The following TBC1D32 variants were observed in gnomAD, a reference collection of about 807,000 sequenced individuals.
TBC1D32 encodes TBC1 domain family member 32, also known as protein broad-minded.
In TBC1D32, 151 loss-of-function variants were observed where a neutral mutation model predicts 170.3. That is an observed-to-expected ratio of 0.89 (90% CI 0.78 to 1.01). The LOEUF (loss-of-function observed/expected upper bound fraction) is 1.01. Among genes scored for constraint, TBC1D32 ranks in the 50% least tolerant of loss-of-function variants. TBC1D32 has a pLI of 0.00. For synonymous variants in TBC1D32, 498 were observed against 488.0 expected (o/e 1.02, Z -0.27); for missense variants, 1,464 against 1,457.1 (o/e 1.00, Z -0.08).
chr6:121,188,850 A>T (rs2128283130), intron 22 of TBC1D32, among the ~76,000 whole-genome samples: 1 of 152,334 alleles, frequency 6.6e-6, no homozygotes, highest in Middle Eastern at 3.4e-3. Context: ...CTGCTCTGCC[A>T]AAAAGATAAA....
At chr6:121,217,605 G>A (rs1218123249) in intron 21 of TBC1D32, among the ~76,000 whole-genome samples, 2 of 152,158 alleles carry the variant, frequency 1.3e-5, no homozygotes, top group Non-Finnish European at 2.9e-5. Flanking sequence ...AGAACTCATG[G>A]ACACAAAGAG....
intron 22 of TBC1D32, among the ~76,000 whole-genome samples, chr6:121,173,125 T>C (rs1787296753): frequency 6.6e-6 from 1 of 152,110 alleles, no homozygotes; most frequent in South Asian, 2.1e-4. Context: ...TCAGTCTGGG[T>C]GGGCACAATC....
chr6:121,194,319 G>T (rs1295084542), intron 22 of TBC1D32, among the ~76,000 whole-genome samples: 2 of 152,176 alleles, frequency 1.3e-5, no homozygotes, highest in Admixed American at 1.3e-4. Context: ...ACTATGGTGG[G>T]AAAGGCCAAA....
At chr6:121,274,590 T>A (rs1328362501) in intron 15 of TBC1D32, among the ~76,000 whole-genome samples, 1 of 151,690 alleles carries the variant, frequency 6.6e-6, no homozygotes, top group Non-Finnish European at 1.5e-5. Context: ...TCAATACATG[T>A]ACAATTATTA....
chr6:121,234,391 G>A lies in TBC1D32; in HGVS notation c.2364+4679C>T, dbSNP rs140787907. Among the ~76,000 whole-genome samples the A allele has an allele frequency of 9.9e-5, 15 of 152,142 alleles. No homozygotes were observed. The East Asian group carries it at 2.9e-3, about 29-fold the overall frequency. ...CATTTAGCATAGTCCCAAGCCTCTTGGAGGCTTTGTTCATTTTTAAAAATT... is the reference window on the plus strand; with the variant it reads ...CATTTAGCATAGTCCCAAGCCTCTTAGAGGCTTTGTTCATTTTTAAAAATT... On this transcript the variant is annotated intron_variant, in intron 20 of 31. Transcript: ENST00000398212.
chr6:121,249,774 C>T (rs1798062743), intron 17 of TBC1D32, among the ~76,000 whole-genome samples: 1 of 151,454 alleles, frequency 6.6e-6, no homozygotes, highest in South Asian at 2.1e-4. Flanking sequence ...TATACTTAAC[C>T]AAGGAAGTAA....
chr6:121,186,573 A>C (rs1434787352), intron 22 of TBC1D32, among the ~76,000 whole-genome samples: 1 of 152,036 alleles, frequency 6.6e-6, no homozygotes, highest in Non-Finnish European at 1.5e-5. Flanking sequence ...AGAGACAAAG[A>C]CTGTACTAAC....
chr6:121,256,698 G>A (rs1799067868), intron 15 of TBC1D32, among the ~76,000 whole-genome samples: 2 of 148,014 alleles, frequency 1.4e-5, no homozygotes, highest in African/African-American at 2.5e-5. Flanking sequence ...TTTTTTTTGA[G>A]ATGGAGTGTC....
chr6:121,093,422 T>C (rs1369995501), intron 30 of TBC1D32, among the ~76,000 whole-genome samples: 2 of 152,182 alleles, frequency 1.3e-5, no homozygotes, highest in African/African-American at 4.8e-5. Flanking sequence ...CTACAGCTAT[T>C]AATGCCAATC....
intron 17 of TBC1D32, among the ~76,000 whole-genome samples, chr6:121,246,002 C>T (rs1487633844): frequency 6.6e-6 from 1 of 152,156 alleles, no homozygotes; most frequent in Non-Finnish European, 1.5e-5. Context: ...GGACCTCTGA[C>T]CACTATTGGG....
rs1303627004 is a variant in TBC1D32 at position 121,321,493 on chromosome 6, T to C, written c.317+140A>G. 6 of 751,150 alleles carry C rather than the reference T, an allele frequency of 8.0e-6. No homozygotes were observed. The East Asian group carries it at 1.6e-4, about 20-fold the overall frequency. 46.5% of individuals were successfully genotyped at this position (751,150 alleles called of 1,614,324 possible). On this transcript the variant is annotated intron_variant, in intron 2 of 31. Transcript: ENST00000398212. The stretch of plus-strand genomic sequence containing the variant: ...CCTTTGGAGAGTCTGGGTGAAAGGG[T>C]GTCATGATCTGACTCATTGTTTTAA...
chr6:121,097,994 A>G (rs1169938984), intron 30 of TBC1D32, among the ~76,000 whole-genome samples: 1 of 151,806 alleles, frequency 6.6e-6, no homozygotes, highest in Non-Finnish European at 1.5e-5. Context: ...GAGGTGAACA[A>G]TGAGAACACA....
At chr6:121,313,031 T>C (rs1808434731) in intron 3 of TBC1D32, among the ~76,000 whole-genome samples, 2 of 151,758 alleles carry the variant, frequency 1.3e-5, no homozygotes, top group South Asian at 2.1e-4. Flanking sequence ...ACTTTTCCCG[T>C]AACAAAGCAG....
chr6:121,235,365 A>G (rs1489339988), intron 20 of TBC1D32, among the ~76,000 whole-genome samples: 1 of 152,066 alleles, frequency 6.6e-6, no homozygotes, highest in Non-Finnish European at 1.5e-5. Flanking sequence ...AAAGACCACC[A>G]GGAGGGGGCA....
intron 29 of TBC1D32, chr6:121,112,243 T>C (rs1779268365): frequency 8.9e-6 from 2 of 225,256 alleles, no homozygotes; most frequent in Non-Finnish European, 1.7e-5. Context: ...GATATAACTA[T>C]CATTTTAATT....
chr6:121,230,973 TG>T (rs1795667145), intron 20 of TBC1D32, among the ~76,000 whole-genome samples: 1 of 152,114 alleles, frequency 6.6e-6, no homozygotes, highest in Admixed American at 6.6e-5. Context: ...CAAAGACTGA[TG>T]TATCATTCTT....
chr6:121,297,379 C>T (rs4607467), intron 10 of TBC1D32, among the ~76,000 whole-genome samples: 1 of 152,092 alleles, frequency 6.6e-6, no homozygotes, highest in African/African-American at 2.4e-5. Context: ...CAATAAGACA[C>T]GAAAAACCAA....
Position 121,333,098 on chromosome 6 carries a change from A to ATAGG in TBC1D32, c.155+1177_155+1178insCCTA, listed in dbSNP as rs555408950. 8.8e-3 allele frequency among the ~76,000 whole-genome samples: 1,346 copies of ATAGG among 152,284 alleles called. 24 individuals carry two copies. The highest frequency in any genetic ancestry group is 0.031 in the African/African-American group (1,273 of 41,558). ...ACCCTGATGCACATATATGATATTG[A>ATAGG]CAGGAGTTCCAGATAAGTAGAACTT... On this transcript the variant is annotated intron_variant, in intron 1 of 31. Transcript: ENST00000398212.
intron 22 of TBC1D32, among the ~76,000 whole-genome samples, chr6:121,183,784 T>G (rs999409795): frequency 8.5e-5 from 13 of 152,058 alleles, no homozygotes; most frequent in African/African-American, 3.1e-4. Context: ...AAAAACATAG[T>G]ACAAGACGTC....
Sources: gnomAD v4.1 joint callset for allele counts (sites outside exome capture counted in the v4.1 genomes callset) on GRCh38, gnomAD v4.1.1 for gene constraint, MANE v1.5 for transcripts, NCBI Gene and HGNC (gene_info 2026-07-23, HGNC 2026-07-21) for gene names.